Variants in CDH23 observed in about 807,000 individuals in gnomAD.
The protein encoded by CDH23 is cadherin related 23.
CDH23 carries 189 observed loss-of-function variants against 317.1 expected under a neutral mutation model. That is an observed-to-expected ratio of 0.60 (90% CI 0.53 to 0.67). The LOEUF (loss-of-function observed/expected upper bound fraction) is 0.67, where lower values mean the gene tolerates loss of function less well. Ranked by LOEUF, CDH23 falls within the 30% of genes least tolerant of loss-of-function variation. CDH23 has a pLI of 0.00. For missense variants in CDH23, 4,401 were observed against 4,592.4 expected, an observed-to-expected ratio of 0.96 and a Z score of 1.20; for synonymous variants, 1,839 against 1,876.8, an observed-to-expected ratio of 0.98 and a Z score of 0.52.
intron 33 of CDH23, 63 bp downstream of exon 33, chr10:71,734,404 A>G: frequency 6.6e-7 from 1 of 1,520,482 alleles, no homozygotes. Flanking sequence ...ACACTTCCTA[A>G]CCCATGTCCT....
chr10:71,650,616 A>G (rs895400187), intron 14 of CDH23, among the ~76,000 whole-genome samples: 9 of 152,190 alleles, frequency 5.9e-5, no homozygotes, highest in African/African-American at 1.9e-4. Flanking sequence ...GGATGTGCGT[A>G]CACTATATGC....
chr10:71,766,353 C>A (rs577707736), intron 38 of CDH23, among the ~76,000 whole-genome samples: 184 of 152,190 alleles, frequency 1.2e-3, no homozygotes, highest in African/African-American at 4.3e-3. Flanking sequence ...AAGACCCAGG[C>A]CCCCCGCCCG....
At chr10:71,418,490 C>G (rs1848621941) in intron 1 of CDH23, among the ~76,000 whole-genome samples, 1 of 152,194 alleles carries the variant, frequency 6.6e-6, no homozygotes, top group Non-Finnish European at 1.5e-5. Context: ...CTGGGATCCT[C>G]AAGTCCTTGC....
rs1221586052 is a variant in CDH23, at chr10:71,815,125, C to T, written c.9912C>T (p.Asp3304=). The part of the protein sequence containing the change: ...ATDLNSLPEE[D]QKGLGRSLET... ...ACCTCAACAGCCTGCCCGAGGAAGA[C>T]CAGAAGGGCCTGGGCCGCTCGCTGG... Residue 3304 remains aspartate (D), a synonymous_variant, in exon 70 of 70, where the codon GAC becomes GAT. Transcript: ENST00000224721. The T allele has an allele frequency of 1.9e-6, 3 of 1,611,356 alleles. No homozygotes were observed. Among genetic ancestry groups the T allele is most frequent in the Non-Finnish European group, 1.7e-6 (2 of 1,179,182 alleles).
chr10:71,579,092 T>C (rs1001954274), intron 9 of CDH23, among the ~76,000 whole-genome samples: 3 of 152,166 alleles, frequency 2.0e-5, no homozygotes, highest in Admixed American at 6.5e-5. Flanking sequence ...ATTTAACATA[T>C]AAAGGGCTTA....
In CDH23 at chr10:71,644,251, GC is replaced by G. The variant is rs575908214; in HGVS notation, c.1140+386del. On this transcript the variant is annotated intron_variant, in intron 12 of 69. Coordinates refer to ENST00000224721, the MANE Select transcript of CDH23 (RefSeq NM_022124.6). ...GCGGCTTGCCTGGACCCCAGAATTG[GC>G]AAGAGAGGGCTTAGGGAGCTCAGCT... 2.8e-4 allele frequency among the ~76,000 whole-genome samples: 43 copies of G among 152,346 alleles called. No individual in the cohort carries two copies. In the East Asian group the frequency reaches 7.7e-3, roughly 27 times the overall value.
chr10:71,732,519 C>G, intron 32 of CDH23, 144 bp downstream of exon 32: 1 of 1,358,966 alleles, frequency 7.4e-7, no homozygotes, highest in Non-Finnish European at 9.9e-7. Flanking sequence ...GTAGTCCCAG[C>G]TGCTTGAGAG....
rs550057951 is a variant in CDH23, at chr10:71,529,887, A to T, written c.429+18675A>T. Among the ~76,000 whole-genome samples, 287 of 152,204 alleles carry T rather than the reference A, an allele frequency of 1.9e-3. 1 individual carries two copies. The highest frequency in any genetic ancestry group is 3.5e-3 in the Admixed American group (54 of 15,306). ...CCCTCTCACCCAGCCTGGGGTGGGA[A>T]CAGGTCTGCTGCAAGGAGGAGGTCC... On this transcript the variant is annotated intron_variant, in intron 6 of 69. Transcript: ENST00000224721.
intron 20 of CDH23, 133 bp from the exon 21 acceptor site, chr10:71,694,014 A>C: frequency 1.3e-6 from 1 of 750,762 alleles, no homozygotes; most frequent in African/African-American, 1.7e-5. Flanking sequence ...CCAGGCCGCC[A>C]GATCATGGTA....
At chr10:71,432,045 C>G (rs900466648) in intron 1 of CDH23, among the ~76,000 whole-genome samples, 2 of 152,192 alleles carry the variant, frequency 1.3e-5, no homozygotes, top group African/African-American at 4.8e-5. Flanking sequence ...TGGTGAAACC[C>G]CTACAGGTCA....
chr10:71,715,721 A>T (rs1028366443), intron 28 of CDH23: 4 of 427,842 alleles, frequency 9.3e-6, no homozygotes, highest in African/African-American at 2.1e-5. Flanking sequence ...TTCATCAAGC[A>T]GCAGCGAGGG....
intron 11 of CDH23, among the ~76,000 whole-genome samples, chr10:71,642,805 C>T (rs1862625045): frequency 1.3e-5 from 2 of 152,106 alleles, no homozygotes; most frequent in African/African-American, 4.8e-5. Flanking sequence ...CTGGAGGGGC[C>T]CGTGGGAGGA....
rs116626299 is a variant in CDH23, at chr10:71,790,636, G to A, written c.6049+223G>A. The A allele has an allele frequency of 1.6e-3, 950 of 594,292 alleles. 8 individuals carry two copies. In the African/African-American group the frequency reaches 0.016, roughly 10 times the overall value. 36.8% of individuals were successfully genotyped at this position (594,292 alleles called of 1,614,324 possible). ...GGAGACGATACACAGGACCTCTGTT[G>A]GTGCACGAACTCTCAGCCTGGGCCG... On this transcript the variant is annotated intron_variant, in intron 46 of 69. Transcript: ENST00000224721.
In CDH23 at chr10:71,811,982, A is replaced by G; in HGVS notation, c.9347A>G (p.Asp3116Gly). The G allele has an allele frequency of 1.2e-6, 2 of 1,608,612 alleles. No individual in the cohort carries two copies. Among genetic ancestry groups the G allele is most frequent in the Non-Finnish European group, 8.5e-7 (1 of 1,178,282 alleles). Residue 3116 changes from aspartate (D) to glycine (G), a missense_variant, in exon 66 of 70, where the codon GAC becomes GGC. This residue lies in a region of CDH23 where 1,144 missense variants were observed against 1,138.2 expected (regional missense o/e 1.01). Coordinates refer to ENST00000224721, the MANE Select transcript of CDH23 (RefSeq NM_022124.6). The part of the protein sequence containing the change: ...AGNRGFIDIM[D>G]MPNTNKYSFD... ...AATCGTGGCTTCATCGACATCATGG[A>G]CATGCCTAACACCAACAAGTACTCC... is the stretch of plus-strand genomic sequence containing the variant.
intron 11 of CDH23, among the ~76,000 whole-genome samples, chr10:71,640,440 A>G (rs2394835): frequency 0.96 from 146,154 of 152,334 alleles, 70,195 homozygotes; most frequent in East Asian, 1. Flanking sequence ...GAATGCCTGA[A>G]GGGCTTGTTA....
At chr10:71,689,877 G>A (rs984359025) in intron 19 of CDH23, among the ~76,000 whole-genome samples, 1 of 152,164 alleles carries the variant, frequency 6.6e-6, no homozygotes, top group African/African-American at 2.4e-5. Context: ...GGCAGGAGGG[G>A]CTGGAGCCAG....
chr10:71,590,690 G>A (rs775565124), intron 9 of CDH23, among the ~76,000 whole-genome samples: 4 of 152,054 alleles, frequency 2.6e-5, no homozygotes, highest in Non-Finnish European at 4.4e-5. Context: ...TCCCTGGGAT[G>A]CTTTCAGTCC....
At chr10:71,700,279 C>T (rs1347222393) in intron 22 of CDH23, among the ~76,000 whole-genome samples, 5 of 152,112 alleles carry the variant, frequency 3.3e-5, no homozygotes, top group Admixed American at 2.6e-4. Flanking sequence ...CCCAGCTACT[C>T]GGGAGGCTGA....
chr10:71,590,899 A>AAC (rs1859447807), intron 9 of CDH23, among the ~76,000 whole-genome samples: 1 of 144,156 alleles, frequency 6.9e-6, no homozygotes, highest in Non-Finnish European at 1.5e-5. Flanking sequence ...AAAAAAAACA[A>AAC]AAAAAAACAC....
Sources: allele counts gnomAD v4.1 joint callset (sites outside exome capture counted in the v4.1 genomes callset), GRCh38; gene constraint gnomAD v4.1.1; regional missense constraint gnomAD v4.1.1; transcripts MANE v1.5; gene names NCBI Gene and HGNC (gene_info 2026-07-23, HGNC 2026-07-21).